ACER3: variants seen among roughly 807,000 people sequenced by gnomAD.
ACER3 encodes the protein alkCDase 3.
A neutral mutation model predicts 48.9 loss-of-function variants in ACER3; 16 were observed. The observed-to-expected ratio is 0.33, with a 90% CI of 0.22 to 0.50. The LOEUF is 0.50. ACER3 is among the 20% of genes least tolerant of loss of function. The probability of loss-of-function intolerance (pLI) is 0.98; values close to 1 mark genes in which losing one functional copy is unlikely to be tolerated. For synonymous variants in ACER3, 109 were observed against 107.8 expected (o/e 1.01, Z -0.07); for missense variants, 227 against 326.0 (o/e 0.70, Z 2.34).
At chr11:76,977,304 A>G (rs781368111) in intron 4 of ACER3, among the ~76,000 whole-genome samples, 3 of 152,224 alleles carry the variant, frequency 2.0e-5, no homozygotes, top group Non-Finnish European at 4.4e-5. Flanking sequence ...GGTTGGAAGA[A>G]CACTTTGATA....
At chr11:76,952,405 G>A (rs1182802603) in intron 2 of ACER3, among the ~76,000 whole-genome samples, 13 of 150,694 alleles carry the variant, frequency 8.6e-5, no homozygotes, top group Non-Finnish European at 1.3e-4. Context: ...GACCACAGGC[G>A]CCCGCCACGA....
Position 77,025,412 on chromosome 11 carries a change from T to TATATATATATATATATATATATA in ACER3, c.*5085_*5086insATATATATATATATATATATATA, listed in dbSNP as rs575045221. On this transcript the variant is annotated 3_prime_UTR_variant, in exon 11 of 11. Transcript: ENST00000532485. ...ATTCTTTATATATATATATATATAT[T>TATATATATATATATATATATATA]TATTTATTTTTTTGAGACAGAGTCT... 258 of 68,898 alleles carry TATATATATATATATATATATATA rather than the reference T, an allele frequency of 3.7e-3. 4 individuals carry two copies. The highest frequency in any genetic ancestry group is 0.011 in the African/African-American group (247 of 23,142). The allele number at this position is 68,898 out of a possible 1,614,324, so 4.3% of individuals were successfully genotyped here.
intron 1 of ACER3, among the ~76,000 whole-genome samples, chr11:76,900,763 TG>T (rs1205320886): frequency 6.6e-6 from 1 of 152,242 alleles, no homozygotes; most frequent in Non-Finnish European, 1.5e-5. Flanking sequence ...ATTCTGGCAT[TG>T]GTTCAGAAGC....
chr11:76,931,124 A>T (rs1300550660), intron 2 of ACER3, among the ~76,000 whole-genome samples: 28 of 138,578 alleles, frequency 2.0e-4, no homozygotes, highest in Admixed American at 8.7e-4. Flanking sequence ...GTCACTAAGG[A>T]CTTGCTTTAT....
chr11:76,921,941 A>G (rs1055052129), intron 1 of ACER3, among the ~76,000 whole-genome samples: 3 of 152,080 alleles, frequency 2.0e-5, no homozygotes, highest in African/African-American at 7.2e-5. Flanking sequence ...ATGAGTCTCT[A>G]CTCTGAATGC....
chr11:76,986,428 T>A (rs1178259521), intron 5 of ACER3, among the ~76,000 whole-genome samples: 2 of 152,222 alleles, frequency 1.3e-5, no homozygotes. Flanking sequence ...ATGAGGCACT[T>A]GCACTAGAAT....
At position 76,861,002 on chromosome 11, in the gene ACER3, G is replaced by T; in HGVS notation, c.26G>T (p.Gly9Val). The change falls in exon 1 of 11, where the codon GGC becomes GTC. Residue 9 changes from glycine to valine, a missense_variant. By Grantham distance (109) the Gly-to-Val change is moderately radical. Coordinates refer to ENST00000532485, the MANE Select transcript of ACER3 (RefSeq NM_018367.7). The stretch of plus-strand genomic sequence containing the variant: ...ATGGCTCCGGCCGCGGACCGAGAGG[G>T]CTACTGGGGCCCCACGACCTCCACG... MAPAADRE[G>V]YWGPTTSTLD... is the part of the protein sequence containing the mutation. 1 of 1,545,542 alleles carries T rather than the reference G, an allele frequency of 6.5e-7. No individual in the cohort carries two copies.
At chr11:76,912,319 C>G (rs1050519073) in intron 1 of ACER3, among the ~76,000 whole-genome samples, 9 of 152,066 alleles carry the variant, frequency 5.9e-5, no homozygotes, top group African/African-American at 2.2e-4. Context: ...AAGGAACCAC[C>G]CCTGCTGACA....
At chr11:76,884,066 G>A (rs113504752) in intron 1 of ACER3, among the ~76,000 whole-genome samples, 61 of 152,292 alleles carry the variant, frequency 4.0e-4, no homozygotes, top group African/African-American at 1.3e-3. Flanking sequence ...CAAACCCTGT[G>A]TGTTATGGTA....
At chr11:76,932,238 C>T (rs1293159746) in intron 2 of ACER3, among the ~76,000 whole-genome samples, 2 of 152,200 alleles carry the variant, frequency 1.3e-5, no homozygotes, top group African/African-American at 4.8e-5. Flanking sequence ...GTGTGTGCCA[C>T]TGTGCCTGGC....
intron 1 of ACER3, among the ~76,000 whole-genome samples, chr11:76,911,046 A>T (rs1946366042): frequency 6.6e-6 from 1 of 152,156 alleles, no homozygotes; most frequent in South Asian, 2.1e-4. Context: ...CTGTTACCCA[A>T]TCCAGACCCC....
At chr11:76,878,457 A>C (rs1945441898) in intron 1 of ACER3, among the ~76,000 whole-genome samples, 1 of 152,044 alleles carries the variant, frequency 6.6e-6, no homozygotes, top group South Asian at 2.1e-4. Context: ...ATCTTTATTA[A>C]TCCATTTAAG....
At chr11:77,013,218 TTTATTA>T (rs1949303498) in intron 7 of ACER3, among the ~76,000 whole-genome samples, 2 of 152,186 alleles carry the variant, frequency 1.3e-5, no homozygotes, top group Non-Finnish European at 2.9e-5. Context: ...TCGGCAAAGA[TTTATTA>T]ATAAAAAGCA....
At chr11:76,907,630 G>A (rs1389948375) in intron 1 of ACER3, among the ~76,000 whole-genome samples, 5 of 152,068 alleles carry the variant, frequency 3.3e-5, no homozygotes, top group African/African-American at 1.2e-4. Flanking sequence ...CAGTGCTTTG[G>A]GAGGCCAATG....
intron 1 of ACER3, among the ~76,000 whole-genome samples, chr11:76,882,957 G>C (rs375292820): frequency 6.6e-6 from 1 of 152,080 alleles, no homozygotes; most frequent in African/African-American, 2.4e-5. Context: ...TTTCCCTTTC[G>C]AGATTCCTCA....
At chr11:77,007,732 G>A (rs913254878) in intron 7 of ACER3, among the ~76,000 whole-genome samples, 1 of 152,168 alleles carries the variant, frequency 6.6e-6, no homozygotes, top group Non-Finnish European at 1.5e-5. Context: ...ACTAATTACT[G>A]TGGGTGGGGA....
At chr11:76,932,656 CAT>C (rs1404117541) in intron 2 of ACER3, among the ~76,000 whole-genome samples, 3 of 152,146 alleles carry the variant, frequency 2.0e-5, no homozygotes, top group Non-Finnish European at 4.4e-5. Flanking sequence ...CCCAGAAAAA[CAT>C]AGAGATTAAT....
chr11:76,931,834 A>C (rs1947006223), intron 2 of ACER3, among the ~76,000 whole-genome samples: 1 of 152,136 alleles, frequency 6.6e-6, no homozygotes, highest in Non-Finnish European at 1.5e-5. Context: ...CTGAGAGATC[A>C]GCTGTTAGTC....
At chr11:76,863,689 A>G (rs1249890686) in intron 1 of ACER3, among the ~76,000 whole-genome samples, 1 of 152,222 alleles carries the variant, frequency 6.6e-6, no homozygotes, top group Non-Finnish European at 1.5e-5. Context: ...ATGTAATAAT[A>G]GCTATTATCT....
Sources: gnomAD v4.1 joint callset for allele counts (sites outside exome capture counted in the v4.1 genomes callset) on GRCh38, gnomAD v4.1.1 for gene constraint, MANE v1.5 for transcripts, NCBI Gene and HGNC (gene_info 2026-07-23, HGNC 2026-07-21) for gene names.